RIMKLB: variants seen among roughly 807,000 people sequenced by gnomAD.
The protein encoded by RIMKLB is ribosomal modification protein rimK like family member B.
RIMKLB carries 7 observed loss-of-function variants against 32.0 expected under a neutral mutation model. The observed-to-expected ratio is 0.22, with a 90% confidence interval of 0.12 to 0.41. RIMKLB has a LOEUF of 0.41. Ranked by LOEUF, RIMKLB falls within the 10% of genes least tolerant of loss-of-function variation. RIMKLB has a pLI of 1.00. For missense variants in RIMKLB, 289 were observed against 498.7 expected, an observed-to-expected ratio of 0.58 and a Z score of 4.00; for synonymous variants, 172 against 185.1, an observed-to-expected ratio of 0.93 and a Z score of 0.57.
intron 2 of RIMKLB, among the ~76,000 whole-genome samples, chr12:8,740,820 C>G (rs115199402): frequency 0.011 from 1,656 of 152,294 alleles, 24 homozygotes; most frequent in African/African-American, 0.038. Flanking sequence ...TGCCCATAAT[C>G]CCAGCACTTT....
intron 4 of RIMKLB, among the ~76,000 whole-genome samples, chr12:8,752,745 T>TTG (rs1181851423): frequency 1.3e-5 from 2 of 148,442 alleles, no homozygotes; most frequent in African/African-American, 5.2e-5. Flanking sequence ...TGTTTGTTTT[T>TTG]TGTTTTTTTT....
chr12:8,714,069 G>T, intron 2 of RIMKLB, 28 bp downstream of exon 2: 1 of 1,596,664 alleles, frequency 6.3e-7, no homozygotes, highest in South Asian at 1.1e-5. Context: ...GTGATCTTTT[G>T]GATTTTTACC....
chr12:8,725,186 C>T (rs1945860599), intron 2 of RIMKLB, among the ~76,000 whole-genome samples: 1 of 152,218 alleles, frequency 6.6e-6, no homozygotes, highest in Non-Finnish European at 1.5e-5. Flanking sequence ...GCTTCTCATT[C>T]AGGTGAAGAC....
At chr12:8,705,066 T>G (rs1565554772) in intron 1 of RIMKLB, among the ~76,000 whole-genome samples, 1 of 151,876 alleles carries the variant, frequency 6.6e-6, no homozygotes, top group Non-Finnish European at 1.5e-5. Context: ...GGGTATATAT[T>G]CCAAGCAACA....
At chr12:8,724,285 A>G (rs1945767452) in intron 2 of RIMKLB, among the ~76,000 whole-genome samples, 1 of 152,146 alleles carries the variant, frequency 6.6e-6, no homozygotes, top group South Asian at 2.1e-4. Flanking sequence ...TTTGTTGAAC[A>G]TCTCATTTGA....
intron 2 of RIMKLB, among the ~76,000 whole-genome samples, chr12:8,724,477 C>T (rs189220376): frequency 2.0e-4 from 30 of 152,106 alleles, no homozygotes; most frequent in Non-Finnish European, 2.5e-4. Context: ...GCCAAGTGTT[C>T]GTGTTTGTGT....
downstream of RIMKLB, chr12:8,780,610 GA>G (rs1950975019): frequency 6.6e-6 from 1 of 152,172 alleles, no homozygotes; most frequent in Non-Finnish European, 1.5e-5. Flanking sequence ...GCAGAGGAAG[GA>G]ATTCTTCAGA....
intron 2 of RIMKLB, among the ~76,000 whole-genome samples, chr12:8,715,861 T>C (rs11046898): frequency 0.033 from 5,032 of 152,284 alleles, 280 homozygotes; most frequent in African/African-American, 0.11. Context: ...CCTCTCACAT[T>C]TGTGACGAAG....
At chr12:8,748,252 G>A (rs1399286276) in intron 2 of RIMKLB, among the ~76,000 whole-genome samples, 4 of 152,118 alleles carry the variant, frequency 2.6e-5, no homozygotes, top group Admixed American at 6.6e-5. Context: ...TTTGCATTCT[G>A]CAGTTTTCAG....
intron 5 of RIMKLB, among the ~76,000 whole-genome samples, chr12:8,765,096 A>G (rs1219915513): frequency 2.0e-5 from 3 of 151,814 alleles, no homozygotes; most frequent in East Asian, 3.9e-4. Context: ...ACTGAGTGAT[A>G]AACTTATCAT....
chr12:8,743,778 G>A (rs757674265), intron 2 of RIMKLB, among the ~76,000 whole-genome samples: 2 of 151,956 alleles, frequency 1.3e-5, no homozygotes, highest in Admixed American at 6.6e-5. Flanking sequence ...CCCCATTGCT[G>A]TTCGAGGGTT....
the RIMKLB span, among the ~76,000 whole-genome samples, chr12:8,669,798 C>T: frequency 7.2e-5 from 11 of 151,790 alleles, no homozygotes; most frequent in South Asian, 2.1e-4. Flanking sequence ...GAGGCCGAGG[C>T]GGGCGGATCA....
chr12:8,768,175 GATTAGGAAGAACCCA>G (rs1950125948), intron 5 of RIMKLB, among the ~76,000 whole-genome samples: 1 of 152,212 alleles, frequency 6.6e-6, no homozygotes, highest in Non-Finnish European at 1.5e-5. Flanking sequence ...TGTTCAGCTC[GATTAGGAAGAACCCA>G]GGCACTTAGT....
downstream of RIMKLB, chr12:8,780,696 A>G (rs1006167711): frequency 6.6e-6 from 1 of 152,214 alleles, no homozygotes; most frequent in African/African-American, 2.4e-5. Context: ...AAGGGGGACA[A>G]AAATGGAAAC....
chr12:8,703,300 AAAG>A (rs1404470537), intron 1 of RIMKLB, among the ~76,000 whole-genome samples: 1 of 152,122 alleles, frequency 6.6e-6, no homozygotes, highest in Non-Finnish European at 1.5e-5. Context: ...AAGAAAAAGA[AAAG>A]AAAAAGAGAA....
At chr12:8,712,283 G>A (rs1233048477) in intron 1 of RIMKLB, among the ~76,000 whole-genome samples, 1 of 151,972 alleles carries the variant, frequency 6.6e-6, no homozygotes, top group African/African-American at 2.4e-5. Context: ...AAATTAGCTA[G>A]GTATGGTGGC....
chr12:8,709,276 AC>A (rs1944164476), intron 1 of RIMKLB, among the ~76,000 whole-genome samples: 1 of 152,190 alleles, frequency 6.6e-6, no homozygotes, highest in Non-Finnish European at 1.5e-5. Flanking sequence ...TTATTGGTGC[AC>A]TTTTGAGCTC....
intron 2 of RIMKLB, among the ~76,000 whole-genome samples, chr12:8,732,756 T>TATACACACACACACACAC (rs1213499853): frequency 6.7e-6 from 1 of 150,144 alleles, no homozygotes; most frequent in African/African-American, 2.5e-5. Flanking sequence ...TATATATATA[T>TATACACACACACACACAC]ACACACACAC....
At chr12:8,751,934 A>C (rs749616872) in intron 3 of RIMKLB, 23 bp from the exon 4 acceptor site, 1 of 1,518,508 alleles carries the variant, frequency 6.6e-7, no homozygotes, top group African/African-American at 1.4e-5. Context: ...GTTTGTCTTA[A>C]ATTTTTGTAT....
Sources: allele counts gnomAD v4.1 joint callset (sites outside exome capture counted in the v4.1 genomes callset), GRCh38; gene constraint gnomAD v4.1.1; transcripts MANE v1.5; gene names NCBI Gene and HGNC (gene_info 2026-07-23, HGNC 2026-07-21).